The following L3MBTL4 variants were observed in gnomAD, a reference collection of about 807,000 sequenced individuals.
L3MBTL4 encodes L3MBTL histone methyl-lysine binding protein 4.
Under a neutral mutation model 84.5 loss-of-function variants are expected in L3MBTL4, and 70 were observed. That is an observed-to-expected ratio of 0.83 (90% confidence interval 0.68 to 1.01). L3MBTL4 has a LOEUF of 1.01. Among genes scored for constraint, L3MBTL4 ranks in the 50% least tolerant of loss-of-function variants. The pLI, the probability that L3MBTL4 is intolerant of heterozygous loss-of-function variation, is 0.00. For synonymous variants in L3MBTL4, 274 were observed against 259.8 expected (o/e 1.05, Z -0.52); for missense variants, 715 against 754.8 (o/e 0.95, Z 0.62).
At chr18:6,349,077 G>A (rs1285216270) in intron 1 of L3MBTL4, among the ~76,000 whole-genome samples, 2 of 152,158 alleles carry the variant, frequency 1.3e-5, no homozygotes, top group East Asian at 1.9e-4. Flanking sequence ...TAAAACTCTC[G>A]TTAACTACTA....
At chr18:5,962,927 G>A (rs2052132206) in intron 17 of L3MBTL4, among the ~76,000 whole-genome samples, 1 of 152,210 alleles carries the variant, frequency 6.6e-6, no homozygotes, top group Non-Finnish European at 1.5e-5. Context: ...TACTCACTAG[G>A]TGCCAGTAGG....
chr18:6,381,590 A>G (rs2054597429), intron 1 of L3MBTL4, among the ~76,000 whole-genome samples: 1 of 152,188 alleles, frequency 6.6e-6, no homozygotes, highest in African/African-American at 2.4e-5. Flanking sequence ...TGCACTTATG[A>G]AGCTTAGTTA....
At chr18:6,397,596 C>G (rs941148818) in intron 1 of L3MBTL4, 1 of 152,128 alleles carries the variant, frequency 6.6e-6, no homozygotes, top group Non-Finnish European at 1.5e-5. Flanking sequence ...TGCCTGTAAT[C>G]CCAGCATTTT....
At chr18:6,053,624 G>C (rs2056912801) in intron 16 of L3MBTL4, among the ~76,000 whole-genome samples, 1 of 152,186 alleles carries the variant, frequency 6.6e-6, no homozygotes, top group Admixed American at 6.5e-5. Flanking sequence ...AAGGATAGTT[G>C]CTTCAAAACA....
intron 1 of L3MBTL4, among the ~76,000 whole-genome samples, chr18:6,385,944 T>C (rs1452668415): frequency 1.3e-5 from 2 of 152,150 alleles, no homozygotes; most frequent in East Asian, 1.9e-4. Flanking sequence ...ATATCACACA[T>C]AATTCATTTC....
At chr18:6,264,541 C>T (rs1468693410) in intron 4 of L3MBTL4, among the ~76,000 whole-genome samples, 5 of 152,100 alleles carry the variant, frequency 3.3e-5, no homozygotes, top group African/African-American at 4.8e-5. Context: ...CCCAGCACTT[C>T]GGGAGGCCAA....
chr18:6,159,066 G>A (rs898939608), intron 13 of L3MBTL4, among the ~76,000 whole-genome samples: 9 of 152,160 alleles, frequency 5.9e-5, no homozygotes, highest in Admixed American at 6.5e-5. Context: ...GTCACTGCAG[G>A]CGACCCAGGT....
intron 16 of L3MBTL4, among the ~76,000 whole-genome samples, chr18:5,975,535 C>T (rs1413585043): frequency 6.6e-6 from 1 of 152,186 alleles, no homozygotes; most frequent in Non-Finnish European, 1.5e-5. Context: ...GATGGCTTTT[C>T]AGCTGGGAAC....
At chr18:6,239,667 T>C in intron 9 of L3MBTL4, 51 bp downstream of exon 9, 10 of 1,575,058 alleles carry the variant, frequency 6.3e-6, no homozygotes, top group Non-Finnish European at 8.7e-6. Flanking sequence ...AACAAATTCT[T>C]AACATCAAAC....
chr18:6,026,222 T>C (rs2055499399), intron 16 of L3MBTL4, among the ~76,000 whole-genome samples: 1 of 152,188 alleles, frequency 6.6e-6, no homozygotes, highest in Admixed American at 6.5e-5. Context: ...TGTCCTAGAT[T>C]AGAAGAAAGG....
chr18:6,368,146 C>T (rs1032609006), intron 1 of L3MBTL4, among the ~76,000 whole-genome samples: 5 of 152,018 alleles, frequency 3.3e-5, no homozygotes, highest in South Asian at 4.2e-4. Context: ...GCAATGGTAG[C>T]GCCATCTTCC....
At chr18:6,128,508 T>C (rs537643239) in intron 14 of L3MBTL4, among the ~76,000 whole-genome samples, 1 of 152,086 alleles carries the variant, frequency 6.6e-6, no homozygotes, top group South Asian at 2.1e-4. Context: ...TGATAGAGCG[T>C]GGGAAGAGGA....
At chr18:5,972,723 T>G (rs2052698289) in intron 16 of L3MBTL4, among the ~76,000 whole-genome samples, 1 of 152,120 alleles carries the variant, frequency 6.6e-6, no homozygotes, top group Non-Finnish European at 1.5e-5. Flanking sequence ...TTGTGTGTAC[T>G]TGCCTCAGGA....
chr18:6,099,609 G>GATATATATAT (rs2058751081), intron 14 of L3MBTL4, among the ~76,000 whole-genome samples: 4 of 37,114 alleles, frequency 1.1e-4, no homozygotes, highest in South Asian at 1.5e-3. Context: ...TATATATATG[G>GATATATATAT]AGAGAGAGAG....
rs150650846 is a variant in L3MBTL4, at chr18:6,175,616, A to C, written c.982-3674T>G. On this transcript the variant is annotated intron_variant, in intron 12 of 18. Coordinates refer to ENST00000317931, the MANE Select transcript of L3MBTL4 (RefSeq NM_001330559.2). ...GTGGTCATCTCAGTGGATACAGAAA[A>C]AGTATTTGACAAAGTTCAATACACA... 3.3e-4 allele frequency among the ~76,000 whole-genome samples: 50 copies of C among 152,336 alleles called. No homozygotes were observed. In the East Asian group the frequency reaches 9.1e-3, roughly 28 times the overall value.
At chr18:5,966,444 A>T (rs571798871) in intron 17 of L3MBTL4, among the ~76,000 whole-genome samples, 4 of 152,072 alleles carry the variant, frequency 2.6e-5, no homozygotes, top group Admixed American at 2.6e-4. Flanking sequence ...TTCCCCTGAC[A>T]CCCGGCTTCC....
At chr18:6,309,812 C>T (rs1289117227) in intron 3 of L3MBTL4, among the ~76,000 whole-genome samples, 2 of 152,260 alleles carry the variant, frequency 1.3e-5, no homozygotes, top group Admixed American at 6.5e-5. Flanking sequence ...AGAAATGATA[C>T]TGACAATTAA....
intron 10 of L3MBTL4, among the ~76,000 whole-genome samples, chr18:6,223,614 C>T (rs2046654654): frequency 6.6e-6 from 1 of 152,278 alleles, no homozygotes; most frequent in Middle Eastern, 3.4e-3. Flanking sequence ...AAAATACGTA[C>T]AGTATAAGAT....
chr18:6,121,268 C>T (rs2144317994), intron 14 of L3MBTL4, among the ~76,000 whole-genome samples: 1 of 152,270 alleles, frequency 6.6e-6, no homozygotes, highest in South Asian at 2.1e-4. Flanking sequence ...AAATCACCCT[C>T]CACCTCAGCC....
Sources: gnomAD v4.1 joint callset for allele counts (sites outside exome capture counted in the v4.1 genomes callset) on GRCh38, gnomAD v4.1.1 for gene constraint, MANE v1.5 for transcripts, NCBI Gene and HGNC (gene_info 2026-07-23, HGNC 2026-07-21) for gene names.